Variants in TRIT1 observed in about 807,000 individuals in gnomAD.
TRIT1 encodes the protein tRNA isopentenyltransferase 1.
TRIT1 carries 43 observed loss-of-function variants against 51.2 expected under a neutral mutation model. That is an observed-to-expected ratio of 0.84 (90% CI 0.66 to 1.08). The LOEUF (loss-of-function observed/expected upper bound fraction) is 1.08. Among genes scored for constraint, TRIT1 ranks in the 50% least tolerant of loss-of-function variants. TRIT1 has a pLI of 0.00. For missense variants in TRIT1, 528 were observed against 578.4 expected (o/e 0.91, Z 0.89); for synonymous variants, 184 against 203.9 (o/e 0.90, Z 0.83).
chr1:39,860,174 C>A (rs1417676731), intron 1 of TRIT1, among the ~76,000 whole-genome samples: 1 of 152,170 alleles, frequency 6.6e-6, no homozygotes, highest in Non-Finnish European at 1.5e-5. Flanking sequence ...GAAAGCAGAG[C>A]TCTTACTCAT....
intron 4 of TRIT1, 69 bp from the exon 5 acceptor site, chr1:39,850,330 T>G (rs1163995364): frequency 2.5e-6 from 4 of 1,573,612 alleles, no homozygotes; most frequent in East Asian, 2.2e-5. Context: ...CATTCTCAAG[T>G]AAAACAAGGA....
chr1:39,847,378 G>T, intron 7 of TRIT1, 81 bp from the exon 8 acceptor site: 1 of 1,500,034 alleles, frequency 6.7e-7, no homozygotes, highest in Non-Finnish European at 9.2e-7. Context: ...AGCCCAGCAG[G>T]AAAAAGTCAG....
chr1:39,838,841 T>C lies in TRIT1; in HGVS notation c.*2903A>G, dbSNP rs1289758589. On this transcript the variant is annotated 3_prime_UTR_variant, in exon 11 of 11. Transcript: ENST00000316891. Reference sequence around the variant, plus strand: ...TTATACTGGGTGTTTTGTTTTGTTTTAAGCAAAAAAATCCTCTTTGGAACT... The same window carrying C: ...TTATACTGGGTGTTTTGTTTTGTTTCAAGCAAAAAAATCCTCTTTGGAACT... Among the ~76,000 whole-genome samples, 1 of 151,874 alleles carries C rather than the reference T, an allele frequency of 6.6e-6. No individual in the cohort carries two copies. The highest frequency in any genetic ancestry group is 2.4e-5 in the African/African-American group (1 of 41,326).
intron 1 of TRIT1, among the ~76,000 whole-genome samples, chr1:39,877,652 A>T (rs566801280): frequency 2.5e-4 from 38 of 152,316 alleles, no homozygotes; most frequent in African/African-American, 8.7e-4. Context: ...TTTTCTCAGT[A>T]CAATGTTTCA....
chr1:39,874,678 T>G (rs1294354302), intron 1 of TRIT1, among the ~76,000 whole-genome samples: 3 of 152,020 alleles, frequency 2.0e-5, no homozygotes, highest in Non-Finnish European at 4.4e-5. Flanking sequence ...TTTCTTTTTT[T>G]TTTTGAGATG....
At chr1:39,854,878 G>A (rs1227287012) in intron 2 of TRIT1, among the ~76,000 whole-genome samples, 1 of 151,748 alleles carries the variant, frequency 6.6e-6, no homozygotes, top group Non-Finnish European at 1.5e-5. Flanking sequence ...GTCTCACTCT[G>A]TCACCAAGAC....
intron 5 of TRIT1, among the ~76,000 whole-genome samples, chr1:39,848,677 G>C (rs1642378290): frequency 6.6e-6 from 1 of 151,566 alleles, no homozygotes; most frequent in East Asian, 1.9e-4. Context: ...ACAAAAATTA[G>C]CTGGGCGTAG....
intron 1 of TRIT1, among the ~76,000 whole-genome samples, chr1:39,877,967 C>T (rs1644126558): frequency 6.6e-6 from 1 of 152,138 alleles, no homozygotes; most frequent in South Asian, 2.1e-4. Flanking sequence ...AACCAGCATT[C>T]AGAAGACTCA....
Position 39,850,146 on chromosome 1 carries a change from T to G in TRIT1, c.676A>C (p.Ile226Leu). ...GCCTGGTCAGCATGAAGCCAAAGGATGCAAGGGTTAGAGAACTTCAGAGGA... is the reference window on the plus strand; with the variant it reads ...GCCTGGTCAGCATGAAGCCAAAGGAGGCAAGGGTTAGAGAACTTCAGAGGA... Reference protein sequence around the residue: ...GGPLKFSNPCILWLHADQAVL... With the variant: ...GGPLKFSNPCLLWLHADQAVL... Residue 226 changes from isoleucine (I) to leucine (L), a missense_variant, in exon 5 of 11, where the codon ATC becomes CTC. Coordinates refer to ENST00000316891, the MANE Select transcript of TRIT1 (RefSeq NM_017646.6). 1 of 1,614,150 alleles carries G rather than the reference T, an allele frequency of 6.2e-7. No individual in the cohort carries two copies.
At chr1:39,844,030 G>T in intron 10 of TRIT1, 71 bp downstream of exon 10, 1 of 1,063,366 alleles carries the variant, frequency 9.4e-7, no homozygotes, top group South Asian at 1.4e-5. Context: ...ATCTGCCAAA[G>T]ACTCTAAATT....
chr1:39,850,176 C>T lies in TRIT1; in HGVS notation c.646G>A (p.Gly216Arg). 6.2e-7 allele frequency: 1 copy of T among 1,614,150 alleles called. No homozygotes were observed. ...QHTEEGGGPL[G>R]GPLKFSNPCI... ...GGGTTAGAGAACTTCAGAGGACCTCCAAGGGGACCACCACCTTCTTCCGTA... is the reference window on the plus strand; with the variant it reads ...GGGTTAGAGAACTTCAGAGGACCTCTAAGGGGACCACCACCTTCTTCCGTA... Residue 216 changes from glycine (G) to arginine (R), a missense_variant, in exon 5 of 11, where the codon GGA becomes AGA. Transcript: ENST00000316891.
chr1:39,838,643 C>T lies in TRIT1; in HGVS notation c.*3101G>A, dbSNP rs546653364. On this transcript the variant is annotated 3_prime_UTR_variant, in exon 11 of 11. Coordinates refer to ENST00000316891, the MANE Select transcript of TRIT1 (RefSeq NM_017646.6). ...TGACCCACCATACCCGGCATGCATA[C>T]ATATATATATATGTAAGTATGTATG... Among the ~76,000 whole-genome samples the T allele has an allele frequency of 2.5e-4, 38 of 151,538 alleles. No homozygotes were observed. Among genetic ancestry groups the T allele is most frequent in the African/African-American group, 8.7e-4 (36 of 41,270 alleles).
chr1:39,875,796 A>G (rs998181709), intron 1 of TRIT1, among the ~76,000 whole-genome samples: 9 of 152,154 alleles, frequency 5.9e-5, no homozygotes, highest in African/African-American at 2.2e-4. Context: ...GAATAAATAA[A>G]TAAGAGTTAG....
chr1:39,880,498 A>C (rs1644223992), intron 1 of TRIT1, among the ~76,000 whole-genome samples: 1 of 152,132 alleles, frequency 6.6e-6, no homozygotes, highest in Non-Finnish European at 1.5e-5. Context: ...ATCTCCTTTC[A>C]CTGGTTGAAA....
intron 2 of TRIT1, 48 bp downstream of exon 2, chr1:39,857,229 G>T: frequency 6.4e-7 from 1 of 1,553,088 alleles, no homozygotes; most frequent in African/African-American, 1.4e-5. Flanking sequence ...CTCTTGGCTT[G>T]GGCTGCTTTC....
intron 1 of TRIT1, among the ~76,000 whole-genome samples, chr1:39,871,818 G>A (rs1283178154): frequency 6.6e-6 from 1 of 151,938 alleles, no homozygotes; most frequent in Non-Finnish European, 1.5e-5. Context: ...GGTACTGTGG[G>A]GTATATATCT....
intron 1 of TRIT1, among the ~76,000 whole-genome samples, chr1:39,872,068 A>ATTTTTTTTTTTTTT (rs59839907): frequency 1.8e-5 from 2 of 114,252 alleles, no homozygotes; most frequent in African/African-American, 3.7e-5. Context: ...GGCCTGACTA[A>ATTTTTTTTTTTTTT]TTTTTTTTTT....
chr1:39,867,038 G>C (rs1643595982), intron 1 of TRIT1, among the ~76,000 whole-genome samples: 1 of 152,172 alleles, frequency 6.6e-6, no homozygotes, highest in African/African-American at 2.4e-5. Flanking sequence ...GAGTCAGTGT[G>C]ATGAGACTCA....
chr1:39,867,239 G>A (rs1015075101), intron 1 of TRIT1, among the ~76,000 whole-genome samples: 1 of 152,126 alleles, frequency 6.6e-6, no homozygotes, highest in Non-Finnish European at 1.5e-5. Flanking sequence ...TCCACCTCCT[G>A]GGTTCAAGTG....
Sources: gnomAD v4.1 joint callset for allele counts (sites outside exome capture counted in the v4.1 genomes callset) on GRCh38, gnomAD v4.1.1 for gene constraint, MANE v1.5 for transcripts, NCBI Gene and HGNC (gene_info 2026-07-23, HGNC 2026-07-21) for gene names.